ACTR3B: variants seen among roughly 807,000 people sequenced by gnomAD.
ACTR3B encodes actin-related protein 3B.
Under a neutral mutation model 59.0 loss-of-function variants are expected in ACTR3B, and 8 were observed. That is an observed-to-expected ratio of 0.14 (90% confidence interval 0.08 to 0.24). ACTR3B has a LOEUF of 0.24. Ranked by LOEUF, ACTR3B falls within the 10% of genes least tolerant of loss-of-function variation. ACTR3B has a pLI of 1.00. For synonymous variants in ACTR3B, 148 were observed against 197.9 expected, an observed-to-expected ratio of 0.75 and a Z score of 2.12; for missense variants, 245 against 552.3, an observed-to-expected ratio of 0.44 and a Z score of 5.58.
rs769349115 is a variant in ACTR3B, at chr7:152,852,293, C to T, written c.1077+42C>T. On this transcript the variant is annotated intron_variant, in intron 10 of 11. Transcript: ENST00000256001. ...TCCACGCAGTGCCTGGGGCTATTGC[C>T]CCAGGCCTGACCGGGGCCCTCCTGA... is the stretch of plus-strand genomic sequence containing the variant. The T allele has an allele frequency of 5.8e-6, 9 of 1,559,734 alleles. No individual in the cohort carries two copies. The East Asian group carries it at 1.8e-4, about 31-fold the overall frequency.
chr7:152,823,085 G>A (rs1178709791), intron 7 of ACTR3B, among the ~76,000 whole-genome samples: 1 of 152,216 alleles, frequency 6.6e-6, no homozygotes, highest in Admixed American at 6.5e-5. Context: ...GATAGCGATA[G>A]AATTGGATAG....
intron 10 of ACTR3B, among the ~76,000 whole-genome samples, chr7:152,852,913 T>G (rs988071461): frequency 6.6e-6 from 1 of 152,078 alleles, no homozygotes; most frequent in African/African-American, 2.4e-5. Context: ...TGCCTCAGCC[T>G]ATTGAGTAGC....
At chr7:152,801,943 C>T (rs183470671) in intron 4 of ACTR3B, among the ~76,000 whole-genome samples, 202 of 151,428 alleles carry the variant, frequency 1.3e-3, no homozygotes, top group African/African-American at 4.2e-3. Flanking sequence ...TGAGGCAGCT[C>T]TAGGGCTGTT....
chr7:152,777,898 T>C (rs2098140276), intron 1 of ACTR3B, among the ~76,000 whole-genome samples: 2 of 151,166 alleles, frequency 1.3e-5, no homozygotes, highest in South Asian at 4.2e-4. Flanking sequence ...TGCAGTGAGC[T>C]GAGATTGTGC....
intron 2 of ACTR3B, among the ~76,000 whole-genome samples, chr7:152,796,079 A>G (rs952618599): frequency 1.3e-5 from 2 of 152,086 alleles, no homozygotes; most frequent in Non-Finnish European, 2.9e-5. Context: ...TCCTGATCTC[A>G]GGTGATCTAC....
chr7:152,811,617 T>C (rs1265395326), intron 4 of ACTR3B: 1 of 152,242 alleles, frequency 6.6e-6, no homozygotes, highest in African/African-American at 2.4e-5. Flanking sequence ...TTATTGGGTG[T>C]GTGTTCTTGG....
chr7:152,830,828 C>T (rs1224056446), intron 9 of ACTR3B, among the ~76,000 whole-genome samples: 3 of 152,134 alleles, frequency 2.0e-5, no homozygotes, highest in African/African-American at 7.2e-5. Context: ...GGATTATAGG[C>T]GTGAACCACT....
intron 9 of ACTR3B, among the ~76,000 whole-genome samples, chr7:152,844,245 A>G (rs1213025587): frequency 1.3e-5 from 2 of 151,984 alleles, no homozygotes; most frequent in Non-Finnish European, 2.9e-5. Context: ...TTTAGTAGAG[A>G]TGGGGTTTCA....
chr7:152,844,216 C>T (rs1012132538), intron 9 of ACTR3B, among the ~76,000 whole-genome samples: 2 of 151,986 alleles, frequency 1.3e-5, no homozygotes, highest in African/African-American at 4.8e-5. Flanking sequence ...TGCCACCATG[C>T]CCAGCTAATT....
At chr7:152,789,260 C>G (rs146642865) in intron 2 of ACTR3B, among the ~76,000 whole-genome samples, 1 of 149,054 alleles carries the variant, frequency 6.7e-6, no homozygotes, top group Non-Finnish European at 1.5e-5. Context: ...CGTGTAGTGA[C>G]GCTCACCTGT....
chr7:152,852,383 C>G, intron 10 of ACTR3B, 132 bp downstream of exon 10: 2 of 1,177,918 alleles, frequency 1.7e-6, no homozygotes, highest in Non-Finnish European at 2.3e-6. Context: ...GCTTTCTGAG[C>G]TGCATTGTGA....
intron 9 of ACTR3B, among the ~76,000 whole-genome samples, chr7:152,836,734 T>A (rs1797490130): frequency 6.6e-6 from 1 of 152,116 alleles, no homozygotes; most frequent in African/African-American, 2.4e-5. Context: ...ATGAGAGCTT[T>A]CTTTCAGACT....
In ACTR3B at chr7:152,794,682, G is replaced by A. The variant is rs370671344; in HGVS notation, c.101-5849G>A. ...AGATGGTTCTGTGTGGTGTCAGTCAGTGTGCCATTGAATGGTGTGGTCAGA... is the reference window on the plus strand; with the variant it reads ...AGATGGTTCTGTGTGGTGTCAGTCAATGTGCCATTGAATGGTGTGGTCAGA... On this transcript the variant is annotated intron_variant, in intron 2 of 11. Transcript: ENST00000256001. Among the ~76,000 whole-genome samples, 150 of 151,914 alleles carry A rather than the reference G, an allele frequency of 9.9e-4. 4 individuals carry two copies. The South Asian group carries it at 0.011, about 12-fold the overall frequency.
At chr7:152,767,119 A>G (rs1041266831) in intron 1 of ACTR3B, among the ~76,000 whole-genome samples, 1 of 139,450 alleles carries the variant, frequency 7.2e-6, no homozygotes, top group Non-Finnish European at 1.6e-5. Context: ...TAATGGTTTC[A>G]TTTTTTTCAT....
intron 9 of ACTR3B, among the ~76,000 whole-genome samples, chr7:152,845,297 G>A (rs1461895845): frequency 1.3e-5 from 2 of 152,056 alleles, no homozygotes; most frequent in Non-Finnish European, 1.5e-5. Context: ...CATTTGCTGA[G>A]TACTTTCTGA....
chr7:152,840,837 G>A lies in ACTR3B; in HGVS notation c.952-11289G>A, dbSNP rs1224004291. Among the ~76,000 whole-genome samples the A allele has an allele frequency of 3.9e-4, 5 of 12,898 alleles. No individual in the cohort carries two copies. The South Asian group carries it at 7.1e-3, about 18-fold the overall frequency. The allele number at this position is 12,898 out of a possible 152,430, so 8.5% of individuals were successfully genotyped here. Reference sequence around the variant, plus strand: ...GGGTGGTGCAGGACGGCTTAGGGCCGGGCGGTTCAGGGGCTGCTGAAGTAC... The same window carrying A: ...GGGTGGTGCAGGACGGCTTAGGGCCAGGCGGTTCAGGGGCTGCTGAAGTAC... On this transcript the variant is annotated intron_variant, in intron 9 of 11. Transcript: ENST00000256001.
chr7:152,770,199 T>C (rs1016639444), intron 1 of ACTR3B, among the ~76,000 whole-genome samples: 4 of 151,894 alleles, frequency 2.6e-5, no homozygotes, highest in Non-Finnish European at 4.4e-5. Context: ...TAACCAAAAA[T>C]AGAGAAGAAA....
Position 152,803,465 on chromosome 7 carries a change from T to C in ACTR3B, c.336+1734T>C, listed in dbSNP as rs535641564. Among the ~76,000 whole-genome samples the C allele has an allele frequency of 1.8e-3, 281 of 152,348 alleles. 2 individuals are homozygous for C. The highest frequency in any genetic ancestry group is 2.2e-3 in the Non-Finnish European group (148 of 68,034). On this transcript the variant is annotated intron_variant, in intron 4 of 11. Transcript: ENST00000256001. ...CTGTCAGATTTGGCATTTTTCCTTC[T>C]GTAGCATATCACATAAACTACCTGT...
intron 2 of ACTR3B, among the ~76,000 whole-genome samples, chr7:152,797,544 A>G (rs2098221551): frequency 6.6e-6 from 1 of 152,240 alleles, no homozygotes; most frequent in Non-Finnish European, 1.5e-5. Context: ...AGAGCACATA[A>G]CACGTACTCT....
Sources: allele counts gnomAD v4.1 joint callset (sites outside exome capture counted in the v4.1 genomes callset), GRCh38; gene constraint gnomAD v4.1.1; transcripts MANE v1.5; gene names NCBI Gene and HGNC (gene_info 2026-07-23, HGNC 2026-07-21).